KIF5A: variants seen among roughly 807,000 people sequenced by gnomAD.
KIF5A encodes kinesin heavy chain isoform 5A.
Under a neutral mutation model 141.3 loss-of-function variants are expected in KIF5A, and 35 were observed. The ratio of observed to expected loss-of-function variants is 0.25; its 90% CI spans 0.19 to 0.33. The LOEUF (loss-of-function observed/expected upper bound fraction) is 0.33. KIF5A is among the 10% of genes least tolerant of loss of function. KIF5A has a pLI of 1.00. For missense variants in KIF5A, 861 were observed against 1,314.3 expected (o/e 0.66, Z 5.33); for synonymous variants, 448 against 500.2 (o/e 0.90, Z 1.39).
At chr12:57,557,711 G>GTT (rs1436056034) in intron 1 of KIF5A, among the ~76,000 whole-genome samples, 2 of 146,606 alleles carry the variant, frequency 1.4e-5, no homozygotes, top group Non-Finnish European at 1.5e-5. Context: ...CAATTTTTCT[G>GTT]TTTTTTTTTT....
In KIF5A at chr12:57,576,118, G is replaced by A. The variant is rs2140168069; in HGVS notation, c.2055G>A (p.Lys685=). 6.2e-7 allele frequency: 1 copy of A among 1,614,228 alleles called. No homozygotes were observed. Among genetic ancestry groups the A allele is most frequent in the African/African-American group, 1.3e-5 (1 of 75,062 alleles). ...TGCATGAAGTGGCCCTGAAGGACAA[G>A]GAGCCTGACACTCAGGATGCAGATG... ...ETVHEVALKD[K]EPDTQDADEV... Residue 685 remains lysine, a synonymous_variant, in exon 18 of 29, where the codon AAG becomes AAA. Coordinates refer to ENST00000455537, the MANE Select transcript of KIF5A (RefSeq NM_004984.4).
intron 23 of KIF5A, 115 bp from the exon 24 acceptor site, chr12:57,580,841 G>A: frequency 1.1e-6 from 1 of 903,540 alleles, no homozygotes; most frequent in Non-Finnish European, 1.8e-6. Flanking sequence ...CATCTTCTCT[G>A]ACTCCTGATT....
At chr12:57,564,806 GGA>G (rs1882013748) in intron 5 of KIF5A, 110 bp from the exon 6 acceptor site, 3 of 1,036,620 alleles carry the variant, frequency 2.9e-6, no homozygotes, top group African/African-American at 1.6e-5. Context: ...GGCTTCACAG[GGA>G]GAGTCTTCCT....
At chr12:57,567,104 A>C in intron 6 of KIF5A, 22 bp from the exon 7 acceptor site, 2 of 1,477,994 alleles carry the variant, frequency 1.4e-6, no homozygotes, top group Non-Finnish European at 1.9e-6. Flanking sequence ...CTTATGGGTC[A>C]CTGTCCATTT....
intron 19 of KIF5A, 122 bp downstream of exon 19, chr12:57,576,500 C>G: frequency 1.2e-6 from 1 of 806,130 alleles, no homozygotes; most frequent in Non-Finnish European, 2.1e-6. Flanking sequence ...AACAATGCCA[C>G]AACTTCGTAG....
intron 9 of KIF5A, 56 bp from the exon 10 acceptor site, chr12:57,569,200 T>C: frequency 6.2e-7 from 1 of 1,607,088 alleles, no homozygotes; most frequent in Non-Finnish European, 8.5e-7. Context: ...TCCTTTCTGA[T>C]TCCCTGTTGA....
Position 57,569,324 on chromosome 12 carries a change from C to T in KIF5A, c.888C>T (p.Cys296=), listed in dbSNP as rs773373166. The T allele has an allele frequency of 2.7e-5, 44 of 1,613,854 alleles. No individual in the cohort carries two copies. Among genetic ancestry groups the T allele is most frequent in the Non-Finnish European group, 3.3e-5 (39 of 1,179,818 alleles). ...TCCAGGACTCTCTCGGGGGAAACTG[C>T]CGGACGACTATGTTCATCTGTTGCT... ...RILQDSLGGN[C]RTTMFICCSP... Residue 296 remains cysteine (C), a synonymous_variant, in exon 10 of 29, where the codon TGC becomes TGT. Coordinates refer to ENST00000455537, the MANE Select transcript of KIF5A (RefSeq NM_004984.4).
chr12:57,571,953 CT>C (rs1286983812), intron 13 of KIF5A, 107 bp from the exon 14 acceptor site: 1 of 895,768 alleles, frequency 1.1e-6, no homozygotes, highest in Non-Finnish European at 1.8e-6. Flanking sequence ...CCCACTTCCT[CT>C]TAACTCTTTA....
At position 57,572,666 on chromosome 12, in the gene KIF5A, C is replaced by T. The variant is rs776685173; in HGVS notation, c.1656C>T (p.Asn552=). The T allele has an allele frequency of 1.3e-4, 217 of 1,614,030 alleles. 1 individual carries two copies. The Admixed American group carries it at 1.7e-3, about 13-fold the overall frequency. Residue 552 remains asparagine, a synonymous_variant, in exon 15 of 29, where the codon AAC becomes AAT. Coordinates refer to ENST00000455537, the MANE Select transcript of KIF5A (RefSeq NM_004984.4). The surrounding 1 kb of genome is among the most constrained non-coding windows in gnomAD (Gnocchi z 4.2). ...HQRKRIAEVL[N]GLMKDLSEFS... ...GAAAACGAATTGCTGAGGTGCTGAA[C>T]GGGCTGATGAAGGATCTGAGCGAGT...
chr12:57,581,613 TG>T, intron 25 of KIF5A, 45 bp downstream of exon 25: 1 of 1,607,670 alleles, frequency 6.2e-7, no homozygotes, highest in Non-Finnish European at 8.5e-7. Flanking sequence ...CAAAGCTCCC[TG>T]GACCCTAGAA....
rs1470587685 is a variant in KIF5A, at chr12:57,572,417, G to A, written c.1569+150G>A. ...TGAGTCCCTCCCCAACCCTGTCACT[G>A]CACTTTCCCCTCACAGTCCCTCTGT... On this transcript the variant is annotated intron_variant, in intron 14 of 28. Transcript: ENST00000455537. The surrounding 1 kb of genome is among the most constrained non-coding windows in gnomAD (Gnocchi z 4.2). 9 of 1,257,348 alleles carry A rather than the reference G, an allele frequency of 7.2e-6. No homozygotes were observed. In the African/African-American group the frequency reaches 8.9e-5, roughly 12 times the overall value. 77.9% of individuals were successfully genotyped at this position (1,257,348 alleles called of 1,614,324 possible).
Position 57,581,091 on chromosome 12 carries a change from C to T in KIF5A, c.2674C>T (p.Arg892Trp), listed in dbSNP as rs267603612. 12 of 1,614,102 alleles carry T rather than the reference C, an allele frequency of 7.4e-6. No homozygotes were observed. The highest frequency in any genetic ancestry group is 2.2e-5 in the East Asian group (1 of 44,874). Residue 892 changes from arginine (R) to tryptophan (W), a missense_variant, in exon 24 of 29, where the codon CGG becomes TGG. Around this residue, in one of 5 missense-constraint regions of KIF5A, gnomAD observed 482 missense variants for 661.3 expected, o/e 0.73. Coordinates refer to ENST00000455537, the MANE Select transcript of KIF5A (RefSeq NM_004984.4). ...AKEGAMKDKR[R>W]YQQEVDRIKE... ...GGAGGGCGCCATGAAGGACAAGCGCCGGTACCAGCAGGAGGTGGACCGCAT... is the reference window on the plus strand; with the variant it reads ...GGAGGGCGCCATGAAGGACAAGCGCTGGTACCAGCAGGAGGTGGACCGCAT...
chr12:57,552,722 G>A (rs562647637), intron 1 of KIF5A, among the ~76,000 whole-genome samples: 6 of 152,248 alleles, frequency 3.9e-5, no homozygotes, highest in East Asian at 1.9e-4. Flanking sequence ...AGCCCACCAG[G>A]TCGGGAGCTG....
At chr12:57,565,350 G>A (rs926247762) in intron 6 of KIF5A, among the ~76,000 whole-genome samples, 11 of 152,144 alleles carry the variant, frequency 7.2e-5, no homozygotes, top group African/African-American at 2.7e-4. Flanking sequence ...GAACCTGGGA[G>A]GCAGAGGTTG....
In KIF5A at chr12:57,572,390, T is replaced by C; in HGVS notation, c.1569+123T>C. 2 of 1,241,154 alleles carry C rather than the reference T, an allele frequency of 1.6e-6. No homozygotes were observed. The highest frequency in any genetic ancestry group is 2.3e-6 in the Non-Finnish European group (2 of 867,046). The allele number at this position is 1,241,154 out of a possible 1,614,324, so 76.9% of individuals were successfully genotyped here. On this transcript the variant is annotated intron_variant, in intron 14 of 28. Transcript: ENST00000455537. The surrounding 1 kb of genome is among the most constrained non-coding windows in gnomAD (Gnocchi z 4.2). Reference sequence around the variant, plus strand: ...ACCTCTGCACTGCTGTTCAGTGCATTGTGAGTCCCTCCCCAACCCTGTCAC... The same window carrying C: ...ACCTCTGCACTGCTGTTCAGTGCATCGTGAGTCCCTCCCCAACCCTGTCAC...
At chr12:57,563,132 G>A (rs1173278066) in intron 1 of KIF5A, among the ~76,000 whole-genome samples, 3 of 151,148 alleles carry the variant, frequency 2.0e-5, no homozygotes, top group South Asian at 2.1e-4. Context: ...TCTGCCTCCC[G>A]AGTAGCTGGG....
At chr12:57,570,469 G>A (rs1168119268) in intron 12 of KIF5A, among the ~76,000 whole-genome samples, 1 of 152,148 alleles carries the variant, frequency 6.6e-6, no homozygotes, top group East Asian at 1.9e-4. Flanking sequence ...CACGATTGTG[G>A]TTCACTGCAA....
intron 1 of KIF5A, among the ~76,000 whole-genome samples, chr12:57,554,445 T>C (rs1881671714): frequency 6.6e-6 from 1 of 152,214 alleles, no homozygotes; most frequent in Non-Finnish European, 1.5e-5. Context: ...CAAGCTAGCT[T>C]TGACAAAATT....
At chr12:57,575,299 A>G (rs1479681579) in intron 16 of KIF5A, 27 bp downstream of exon 16, 5 of 1,605,428 alleles carry the variant, frequency 3.1e-6, no homozygotes, top group Non-Finnish European at 4.3e-6. Flanking sequence ...GAGAACCTTC[A>G]GATGCCATGG....
Sources: gnomAD v4.1 joint callset for allele counts (sites outside exome capture counted in the v4.1 genomes callset) on GRCh38, gnomAD v4.1.1 for gene constraint, gnomAD v4.1.1 regional missense constraint, Gnocchi (gnomAD v3.1) non-coding constraint, MANE v1.5 for transcripts, NCBI Gene and HGNC (gene_info 2026-07-23, HGNC 2026-07-21) for gene names.